The following ANKRD30A variants were observed in gnomAD, a reference collection of about 807,000 sequenced individuals.
The protein encoded by ANKRD30A is ankyrin repeat domain-containing protein 30A.
In ANKRD30A, 170 loss-of-function variants were observed where a neutral mutation model predicts 166.3. The observed-to-expected ratio is 1.02, with a 90% confidence interval of 0.90 to 1.16. The LOEUF (loss-of-function observed/expected upper bound fraction) is 1.16, where lower values mean the gene tolerates loss of function less well. ANKRD30A is among the 50% of genes most tolerant of loss of function. ANKRD30A has a pLI of 0.00. For missense variants in ANKRD30A, 1,630 were observed against 1,518.0 expected, an observed-to-expected ratio of 1.07 and a Z score of -1.23; for synonymous variants, 564 against 508.9, an observed-to-expected ratio of 1.11 and a Z score of -1.46.
the ANKRD30A span, among the ~76,000 whole-genome samples, chr10:37,259,241 A>G: frequency 1.3e-5 from 2 of 152,236 alleles, no homozygotes; most frequent in Non-Finnish European, 2.9e-5. Flanking sequence ...CAAATCAGTT[A>G]CAGAATATAT....
chr10:37,250,969 A>G, the ANKRD30A span, among the ~76,000 whole-genome samples: 1 of 152,202 alleles, frequency 6.6e-6, no homozygotes, highest in Non-Finnish European at 1.5e-5. Context: ...TAAGGTGGAC[A>G]GCCACCCCAG....
At chr10:37,190,330 T>C (rs1184612647) in intron 25 of ANKRD30A, among the ~76,000 whole-genome samples, 3 of 151,744 alleles carry the variant, frequency 2.0e-5, no homozygotes, top group Non-Finnish European at 4.4e-5. Context: ...AGAGGCCTTT[T>C]GTGGGAATAA....
At chr10:37,197,599 A>G in intron 29 of ANKRD30A, 119 bp downstream of exon 29, 1 of 1,453,192 alleles carries the variant, frequency 6.9e-7, no homozygotes, top group Admixed American at 2.1e-5. Context: ...GATCTAGGTA[A>G]TGCCAATACT....
chr10:37,129,448 A>T (rs1836246376), intron 1 of ANKRD30A, among the ~76,000 whole-genome samples: 1 of 152,186 alleles, frequency 6.6e-6, no homozygotes, highest in African/African-American at 2.4e-5. Flanking sequence ...TTTGTTAAGT[A>T]GTAGTAATAA....
chr10:37,248,048 G>T, the ANKRD30A span: 1 of 393,304 alleles, frequency 2.5e-6, no homozygotes, highest in Non-Finnish European at 5.0e-6. Context: ...AAAATCATGT[G>T]GTAGAAGGGA....
At chr10:37,194,659 T>G (rs1039186782) in intron 27 of ANKRD30A, among the ~76,000 whole-genome samples, 2 of 152,138 alleles carry the variant, frequency 1.3e-5, no homozygotes, top group African/African-American at 4.8e-5. Context: ...TCTGAAATTT[T>G]CAATAAATAG....
intron 15 of ANKRD30A, among the ~76,000 whole-genome samples, chr10:37,159,593 T>C (rs1420242127): frequency 6.6e-6 from 1 of 152,220 alleles, no homozygotes; most frequent in South Asian, 2.1e-4. Context: ...TTTCATGTCT[T>C]ATACGCTGTG....
Position 37,219,530 on chromosome 10 carries a change from C to G in ANKRD30A, c.3818C>G (p.Ala1273Gly), listed in dbSNP as rs761889766. The G allele has an allele frequency of 3.1e-6, 5 of 1,610,070 alleles. No homozygotes were observed. The highest frequency in any genetic ancestry group is 2.7e-5 in the African/African-American group (2 of 74,598). The change falls in exon 34 of 36, where the codon GCT (alanine) becomes GGT (glycine). Residue 1273 changes from alanine to glycine, a missense_variant. Ala to Gly is a moderately conservative substitution (Grantham distance 60). Transcript: ENST00000361713. Reference sequence around the variant, plus strand: ...ATTAATCTCAATTATGCAGGAGATGCTCTAAGAGAAAATACATTGGTTTCA... The same window carrying G: ...ATTAATCTCAATTATGCAGGAGATGGTCTAAGAGAAAATACATTGGTTTCA... ...LKINLNYAGD[A>G]LRENTLVSEH... is the part of the protein sequence containing the mutation.
chr10:37,258,116 A>G, the ANKRD30A span, among the ~76,000 whole-genome samples: 20 of 152,352 alleles, frequency 1.3e-4, no homozygotes, highest in East Asian at 3.3e-3. Flanking sequence ...CATGTATCCC[A>G]GAACTTAAAG....
At position 37,167,849 on chromosome 10, in the gene ANKRD30A, T is replaced by C. The variant is rs1431730763; in HGVS notation, c.2155+1154T>C. Among the ~76,000 whole-genome samples the C allele has an allele frequency of 4.9e-4, 70 of 143,580 alleles. 1 individual carries two copies. The highest frequency in any genetic ancestry group is 2.2e-3 in the Admixed American group (31 of 14,070). The allele number at this position is 143,580 out of a possible 152,430, so 94.2% of individuals were successfully genotyped here. Reference sequence around the variant, plus strand: ...TCAATTCTACATTCAGCTGAACTCTTATCCGAACTGTGTGGCTTCTCAATG... The same window carrying C: ...TCAATTCTACATTCAGCTGAACTCTCATCCGAACTGTGTGGCTTCTCAATG... On this transcript the variant is annotated intron_variant, in intron 19 of 35. Transcript: ENST00000361713.
In ANKRD30A at chr10:37,204,055, C is replaced by T. The variant is rs192175098; in HGVS notation, c.2869+2730C>T. 5.3e-5 allele frequency among the ~76,000 whole-genome samples: 8 copies of T among 152,232 alleles called. No homozygotes were observed. In the East Asian group the frequency reaches 1.5e-3, roughly 29 times the overall value. On this transcript the variant is annotated intron_variant, in intron 31 of 35. Coordinates refer to ENST00000361713, the MANE Select transcript of ANKRD30A (RefSeq NM_052997.3). The stretch of plus-strand genomic sequence containing the variant: ...GAAGAATCAATATCGTGAAAATGGC[C>T]ATACTGCCCAAGGTAATTTATGGAT...
chr10:37,201,986 T>A (rs1448526003), intron 31 of ANKRD30A, among the ~76,000 whole-genome samples: 1 of 152,094 alleles, frequency 6.6e-6, no homozygotes, highest in Non-Finnish European at 1.5e-5. Flanking sequence ...ATTCACACTG[T>A]GATTCAGCTG....
At chr10:37,196,385 G>A (rs1588899244) in intron 27 of ANKRD30A, among the ~76,000 whole-genome samples, 1 of 152,032 alleles carries the variant, frequency 6.6e-6, no homozygotes, top group Non-Finnish European at 1.5e-5. Context: ...ATTGAAATGA[G>A]ATATATTGGA....
chr10:37,211,927 G>A (rs933402840), intron 31 of ANKRD30A, among the ~76,000 whole-genome samples: 3 of 152,008 alleles, frequency 2.0e-5, no homozygotes, highest in Admixed American at 6.6e-5. Flanking sequence ...CTGCATAAAT[G>A]TCTTCTTTTG....
At chr10:37,247,886 A>C in the ANKRD30A span, among the ~76,000 whole-genome samples, 1 of 151,382 alleles carries the variant, frequency 6.6e-6, no homozygotes, top group African/African-American at 2.4e-5. Flanking sequence ...CATCTCAAAA[A>C]AAAAAAAAAA....
intron 6 of ANKRD30A, among the ~76,000 whole-genome samples, chr10:37,141,070 C>G (rs1427429708): frequency 6.6e-6 from 1 of 151,986 alleles, no homozygotes; most frequent in Non-Finnish European, 1.5e-5. Flanking sequence ...TATAATTGGT[C>G]ATTTTATATT....
At chr10:37,263,603 G>A in the ANKRD30A span, among the ~76,000 whole-genome samples, 5 of 151,940 alleles carry the variant, frequency 3.3e-5, no homozygotes, top group Non-Finnish European at 5.9e-5. Flanking sequence ...AATAGGGTTC[G>A]TGCTCCTATG....
intron 31 of ANKRD30A, among the ~76,000 whole-genome samples, chr10:37,203,371 C>G (rs552568203): frequency 4.9e-4 from 74 of 152,168 alleles, no homozygotes; most frequent in Admixed American, 9.8e-4. Context: ...ATAAACAGAA[C>G]CAAAAACAAA....
chr10:37,191,466 A>C (rs1840572082), intron 25 of ANKRD30A, among the ~76,000 whole-genome samples: 1 of 151,942 alleles, frequency 6.6e-6, no homozygotes, highest in East Asian at 1.9e-4. Context: ...AATTATTATA[A>C]TGTGTTGCCT....
Sources: allele counts gnomAD v4.1 joint callset (sites outside exome capture counted in the v4.1 genomes callset), GRCh38; gene constraint gnomAD v4.1.1; transcripts MANE v1.5; gene names NCBI Gene and HGNC (gene_info 2026-07-23, HGNC 2026-07-21).